DNAJC10: variants seen among roughly 807,000 people sequenced by gnomAD.
The protein encoded by DNAJC10 is endoplasmic reticulum disulfide reductase DNAJC10.
A neutral mutation model predicts 115.0 loss-of-function variants in DNAJC10; 101 were observed. That is an observed-to-expected ratio of 0.88 (90% CI 0.75 to 1.04). DNAJC10 has a LOEUF of 1.04. DNAJC10 is among the 50% of genes least tolerant of loss of function. DNAJC10 has a pLI of 0.00. For missense variants in DNAJC10, 981 were observed against 928.8 expected, an observed-to-expected ratio of 1.06 and a Z score of -0.73; for synonymous variants, 307 against 301.5, an observed-to-expected ratio of 1.02 and a Z score of -0.19.
rs193058909 is a variant in DNAJC10 at position 182,767,035 on chromosome 2, C to G, written c.2265+4234C>G. On this transcript the variant is annotated intron_variant, in intron 22 of 23. Coordinates refer to ENST00000264065, the MANE Select transcript of DNAJC10 (RefSeq NM_018981.4). ...AATCAAGTAGAGAGAGGAGCACCCCCGTGCTGTTCTGGTTCCTGTTTTTCC... is the reference window on the plus strand; with the variant it reads ...AATCAAGTAGAGAGAGGAGCACCCCGGTGCTGTTCTGGTTCCTGTTTTTCC... Among the ~76,000 whole-genome samples the G allele has an allele frequency of 9.3e-4, 142 of 152,206 alleles. 1 individual carries two copies. Among genetic ancestry groups the G allele is most frequent in the African/African-American group, 3.3e-3 (135 of 41,530 alleles).
At chr2:182,761,390 A>G (rs927621363) in intron 21 of DNAJC10, among the ~76,000 whole-genome samples, 1 of 152,144 alleles carries the variant, frequency 6.6e-6, no homozygotes. Flanking sequence ...TACTTTCGGT[A>G]TGCAAGTGTG....
At chr2:182,727,678 C>T (rs1168353465) in intron 5 of DNAJC10, among the ~76,000 whole-genome samples, 1 of 152,078 alleles carries the variant, frequency 6.6e-6, no homozygotes, top group Non-Finnish European at 1.5e-5. Flanking sequence ...ATTAGTTGCA[C>T]GTATTTAGAA....
rs1222395163 is a variant in DNAJC10, at chr2:182,718,152, G to C, written c.66G>C (p.Leu22=). 5 of 1,613,170 alleles carry C rather than the reference G, an allele frequency of 3.1e-6. No individual in the cohort carries two copies. In the African/African-American group the frequency reaches 6.7e-5, roughly 22 times the overall value. The part of the protein sequence containing the change: ...RDLKRIILCF[L]IVYMAILVGT... The stretch of plus-strand genomic sequence containing the variant: ...TGAAAAGGATCATTCTCTGTTTTCT[G>C]ATAGTGTATATGGCCATTTTAGTGG... Residue 22 remains leucine (L), a synonymous_variant, in exon 3 of 24, where the codon CTG becomes CTC. Transcript: ENST00000264065.
intron 22 of DNAJC10, among the ~76,000 whole-genome samples, chr2:182,767,377 C>T (rs1434631101): frequency 1.3e-5 from 2 of 151,336 alleles, no homozygotes; most frequent in Non-Finnish European, 3.0e-5. Context: ...CCAGGATCTA[C>T]AGTGCACTGG....
Position 182,755,055 on chromosome 2 carries a change from A to G in DNAJC10, c.1604A>G (p.His535Arg), listed in dbSNP as rs760440801. The change falls in exon 17 of 24, where the codon CAT becomes CGT. Residue 535 changes from histidine (H) to arginine (R), a missense_variant. Physicochemically the swap from His to Arg is conservative, Grantham distance 29. Transcript: ENST00000264065. ...TTVVFNQSNI[H>R]EYEGHHSAEQ... ...GTGGTATTCAACCAGTCCAACATTC[A>G]TGAGTATGAAGGACATCACTCTGCT... The G allele has an allele frequency of 1.2e-6, 2 of 1,610,416 alleles. No homozygotes were observed. The highest frequency in any genetic ancestry group is 1.7e-6 in the Non-Finnish European group (2 of 1,176,822).
At chr2:182,774,467 G>A (rs1037578541) in intron 22 of DNAJC10, among the ~76,000 whole-genome samples, 3 of 152,144 alleles carry the variant, frequency 2.0e-5, no homozygotes, top group African/African-American at 7.2e-5. Context: ...GTGGATTCTA[G>A]AGGCTGAAGG....
intron 14 of DNAJC10, among the ~76,000 whole-genome samples, chr2:182,751,198 G>A (rs1694009042): frequency 7.5e-6 from 1 of 133,168 alleles, no homozygotes; most frequent in Non-Finnish European, 1.5e-5. Context: ...GCAGTGTCGA[G>A]ATCACTGCTC....
intron 9 of DNAJC10, 62 bp from the exon 10 acceptor site, chr2:182,732,437 G>T: frequency 6.6e-7 from 1 of 1,508,114 alleles, no homozygotes; most frequent in South Asian, 1.1e-5. Flanking sequence ...AAAGGCAAAT[G>T]CAAGTATTTT....
intron 18 of DNAJC10, 23 bp downstream of exon 18, chr2:182,756,492 T>C (rs1360740761): frequency 1.2e-5 from 19 of 1,590,332 alleles, no homozygotes; most frequent in Admixed American, 7.3e-5. Context: ...TAGTTTATTT[T>C]AAATCTTAAC....
intron 14 of DNAJC10, among the ~76,000 whole-genome samples, chr2:182,747,302 A>G (rs1169299595): frequency 6.6e-6 from 1 of 152,080 alleles, no homozygotes; most frequent in Non-Finnish European, 1.5e-5. Context: ...ATGGCATTGA[A>G]TCTGTAAATT....
intron 12 of DNAJC10, 109 bp downstream of exon 12, chr2:182,740,497 G>C: frequency 3.7e-6 from 4 of 1,073,916 alleles, no homozygotes; most frequent in Non-Finnish European, 5.1e-6. Context: ...AGAATTGAAA[G>C]TAGCAGTTTC....
chr2:182,772,301 T>G (rs1694585294), intron 22 of DNAJC10, among the ~76,000 whole-genome samples: 1 of 152,152 alleles, frequency 6.6e-6, no homozygotes, highest in East Asian at 1.9e-4. Context: ...TTCTGTTGAT[T>G]TGGGGTGGAG....
At chr2:182,754,653 A>C (rs2105674227) in intron 16 of DNAJC10, 1 of 533,874 alleles carries the variant, frequency 1.9e-6, no homozygotes, top group Non-Finnish European at 2.4e-6. Context: ...AAAAAGACTC[A>C]AGCTAGAGAT....
intron 10 of DNAJC10, among the ~76,000 whole-genome samples, chr2:182,734,036 G>A (rs1438280152): frequency 1.4e-5 from 2 of 147,616 alleles, no homozygotes; most frequent in Non-Finnish European, 1.5e-5. Context: ...CCAAGGAGAG[G>A]TTTCTTAACC....
At chr2:182,769,511 C>T (rs529942848) in intron 22 of DNAJC10, among the ~76,000 whole-genome samples, 37 of 152,166 alleles carry the variant, frequency 2.4e-4, no homozygotes, top group South Asian at 1.5e-3. Context: ...TTTTAATGAT[C>T]GCCATTCTAA....
At chr2:182,767,176 G>C (rs563819417) in intron 22 of DNAJC10, among the ~76,000 whole-genome samples, 7 of 152,052 alleles carry the variant, frequency 4.6e-5, no homozygotes, top group Non-Finnish European at 1.0e-4. Context: ...CGATCTGGTG[G>C]GTAAAGAGGA....
chr2:182,770,488 C>T (rs1289059814), intron 22 of DNAJC10, among the ~76,000 whole-genome samples: 1 of 152,052 alleles, frequency 6.6e-6, no homozygotes, highest in Non-Finnish European at 1.5e-5. Context: ...TCTTTTATTT[C>T]CTTGAGTAGT....
At chr2:182,756,015 C>A (rs528727671) in intron 17 of DNAJC10, among the ~76,000 whole-genome samples, 1 of 152,212 alleles carries the variant, frequency 6.6e-6, no homozygotes, top group East Asian at 1.9e-4. Context: ...CATTGGATTT[C>A]TTTTAGCTAT....
Position 182,776,788 on chromosome 2 carries a change from T to C in DNAJC10, c.2371-333T>C, listed in dbSNP as rs553624753. On this transcript the variant is annotated intron_variant, in intron 23 of 23. Transcript: ENST00000264065. ...TCAAGATATTTTATTTTGAAAGGTG[T>C]AACTTTTATCTCATTAAATATTTGA... 3.4e-4 allele frequency among the ~76,000 whole-genome samples: 52 copies of C among 152,352 alleles called. 2 individuals are homozygous for C. Among genetic ancestry groups the C allele is most frequent in the Admixed American group, 3.2e-3 (49 of 15,294 alleles).
Sources: gnomAD v4.1 joint callset for allele counts (sites outside exome capture counted in the v4.1 genomes callset) on GRCh38, gnomAD v4.1.1 for gene constraint, MANE v1.5 for transcripts, NCBI Gene and HGNC (gene_info 2026-07-23, HGNC 2026-07-21) for gene names.